Variants in TMPRSS12 observed in about 807,000 individuals in gnomAD.
The protein encoded by TMPRSS12 is transmembrane protease serine 12.
In TMPRSS12, 25 loss-of-function variants were observed where a neutral mutation model predicts 26.0. The observed-to-expected ratio is 0.96, with a 90% confidence interval of 0.70 to 1.34. The LOEUF is 1.34. Ranked by LOEUF, TMPRSS12 falls within the 40% of genes most tolerant of loss-of-function variation. TMPRSS12 has a pLI of 0.00. For missense variants in TMPRSS12, 441 were observed against 440.1 expected (o/e 1.00, Z -0.02); for synonymous variants, 150 against 161.7 (o/e 0.93, Z 0.55).
intron 3 of TMPRSS12, among the ~76,000 whole-genome samples, chr12:50,869,066 TTCTA>T (rs1938018070): frequency 6.6e-6 from 1 of 151,514 alleles, no homozygotes; most frequent in Non-Finnish European, 1.5e-5. Flanking sequence ...CAAACTGACA[TTCTA>T]AGGTTATACT....
chr12:50,857,811 T>C (rs200226162), intron 2 of TMPRSS12, among the ~76,000 whole-genome samples: 2 of 124,352 alleles, frequency 1.6e-5, no homozygotes, highest in Non-Finnish European at 3.4e-5. Flanking sequence ...TTGTTGTCGT[T>C]GTTGTCGTTG....
At chr12:50,881,998 A>T (rs867406237) in intron 3 of TMPRSS12, among the ~76,000 whole-genome samples, 20 of 30,454 alleles carry the variant, frequency 6.6e-4, no homozygotes, top group South Asian at 3.2e-3. Flanking sequence ...AAAAAAAAAA[A>T]ATATATATAT....
chr12:50,872,668 CAT>C (rs572076552), intron 3 of TMPRSS12, among the ~76,000 whole-genome samples: 1 of 90,590 alleles, frequency 1.1e-5, no homozygotes, highest in Non-Finnish European at 2.1e-5. Context: ...CGTATATGTA[CAT>C]ATATATGACG....
At chr12:50,857,759 T>C (rs553497528) in intron 2 of TMPRSS12, among the ~76,000 whole-genome samples, 1 of 152,238 alleles carries the variant, frequency 6.6e-6, no homozygotes, top group South Asian at 2.1e-4. Flanking sequence ...ATGTTATATA[T>C]TCATCTAGAT....
At chr12:50,883,897 G>A (rs77580051) in intron 3 of TMPRSS12, among the ~76,000 whole-genome samples, 1 of 152,144 alleles carries the variant, frequency 6.6e-6, no homozygotes, top group Non-Finnish European at 1.5e-5. Flanking sequence ...AGGCACTCGG[G>A]AGGTTGAGGT....
chr12:50,883,016 A>G lies in TMPRSS12; in HGVS notation c.653-2230A>G, dbSNP rs1440450807. Among the ~76,000 whole-genome samples the G allele has an allele frequency of 2.0e-5, 3 of 152,358 alleles. No individual in the cohort carries two copies. The East Asian group carries it at 5.8e-4, about 29-fold the overall frequency. On this transcript the variant is annotated intron_variant, in intron 3 of 4. Transcript: ENST00000398458. ...CAAATTATTAGTAATAACACACTAA[A>G]TCTACAAAGTATATTATAGATAGAA...
chr12:50,874,420 T>G (rs895779423), intron 3 of TMPRSS12, among the ~76,000 whole-genome samples: 1 of 151,902 alleles, frequency 6.6e-6, no homozygotes, highest in Non-Finnish European at 1.5e-5. Flanking sequence ...CATCTGAAAA[T>G]CAATAAAATA....
intron 2 of TMPRSS12, among the ~76,000 whole-genome samples, chr12:50,856,789 A>T (rs1207521287): frequency 6.6e-6 from 1 of 152,090 alleles, no homozygotes; most frequent in African/African-American, 2.4e-5. Flanking sequence ...GGGCTCAAGC[A>T]ATCCTCCCAC....
intron 2 of TMPRSS12, among the ~76,000 whole-genome samples, chr12:50,854,888 C>T (rs1447559137): frequency 6.6e-6 from 1 of 152,154 alleles, no homozygotes; most frequent in Non-Finnish European, 1.5e-5. Context: ...GCCATACTGT[C>T]CAAAGCAACT....
At chr12:50,884,967 C>T (rs1003578109) in intron 3 of TMPRSS12, among the ~76,000 whole-genome samples, 1 of 152,004 alleles carries the variant, frequency 6.6e-6, no homozygotes, top group Non-Finnish European at 1.5e-5. Context: ...TTGCTTGAAC[C>T]CAGGAGGCAG....
At chr12:50,880,649 TACCAAAGAC>T (rs71086501) in intron 3 of TMPRSS12, among the ~76,000 whole-genome samples, 77,618 of 151,436 alleles carry the variant, frequency 0.51, 20,522 homozygotes, top group East Asian at 0.65. Context: ...CCTGGATATC[TACCAAAGAC>T]AAATGAAAAC....
At chr12:50,848,155 AG>A (rs1937791511) in intron 2 of TMPRSS12, 1 of 144,456 alleles carries the variant, frequency 6.9e-6, no homozygotes, top group East Asian at 2.1e-4. Flanking sequence ...TCTATTTTGA[AG>A]GCCCCTTTAT....
intron 3 of TMPRSS12, among the ~76,000 whole-genome samples, chr12:50,867,846 C>CA (rs58247865): frequency 0.97 from 147,846 of 152,260 alleles, 71,956 homozygotes; most frequent in East Asian, 1. Context: ...AAACAATTAT[C>CA]GCCAAGAATT....
intron 2 of TMPRSS12, among the ~76,000 whole-genome samples, chr12:50,855,424 A>T (rs12809767): frequency 1.3e-5 from 2 of 152,078 alleles, no homozygotes; most frequent in Non-Finnish European, 2.9e-5. Context: ...TTCTCAAAAG[A>T]CATACATATG....
At chr12:50,864,777 C>A (rs1327453871) in intron 3 of TMPRSS12, among the ~76,000 whole-genome samples, 4 of 152,048 alleles carry the variant, frequency 2.6e-5, no homozygotes, top group African/African-American at 2.4e-5. Context: ...CCTGCCTCAG[C>A]CTCCTGAGTA....
At chr12:50,865,984 A>G (rs1225800765) in intron 3 of TMPRSS12, among the ~76,000 whole-genome samples, 1 of 152,074 alleles carries the variant, frequency 6.6e-6, no homozygotes, top group African/African-American at 2.4e-5. Flanking sequence ...CAGCTCCAAC[A>G]TGGAGCTTCT....
At chr12:50,848,845 G>A (rs1937798121) in intron 2 of TMPRSS12, among the ~76,000 whole-genome samples, 2 of 152,176 alleles carry the variant, frequency 1.3e-5, no homozygotes, top group African/African-American at 4.8e-5. Context: ...ATGGATATGA[G>A]TATATAAGCA....
intron 1 of TMPRSS12, among the ~76,000 whole-genome samples, chr12:50,843,605 A>G (rs1462604914): frequency 1.3e-5 from 2 of 152,186 alleles, no homozygotes; most frequent in Non-Finnish European, 2.9e-5. Context: ...TTTTTGGGGA[A>G]TAGAGTTTTA....
rs761291002 is a variant in TMPRSS12, at chr12:50,885,390, TAAG to T, written c.795+4_795+6del. ...GATGGAGCTTTTGATACTTGCAGGG[TAAG>T]ACCAAGTAATTTTCCTTTAAAATAT... On this transcript the variant is annotated splice_donor_5th_base_variant and intron_variant, in intron 4 of 4. Coordinates refer to ENST00000398458, the MANE Select transcript of TMPRSS12 (RefSeq NM_182559.3). 1.2e-6 allele frequency: 2 copies of T among 1,613,786 alleles called. No individual in the cohort carries two copies. The highest frequency in any genetic ancestry group is 2.2e-5 in the South Asian group (2 of 91,086).
Sources: allele counts gnomAD v4.1 joint callset (sites outside exome capture counted in the v4.1 genomes callset), GRCh38; gene constraint gnomAD v4.1.1; transcripts MANE v1.5; gene names NCBI Gene and HGNC (gene_info 2026-07-23, HGNC 2026-07-21).